USF3: variants seen among roughly 807,000 people sequenced by gnomAD.
The protein encoded by USF3 is basic helix-loop-helix domain-containing protein USF3.
Under a neutral mutation model 157.5 loss-of-function variants are expected in USF3, and 29 were observed. The observed-to-expected ratio is 0.18, with a 90% CI of 0.14 to 0.25. The LOEUF is 0.25. USF3 is among the 10% of genes least tolerant of loss of function. The pLI is 1.00. For missense variants in USF3, 2,381 were observed against 2,667.6 expected, an observed-to-expected ratio of 0.89 and a Z score of 2.37; for synonymous variants, 893 against 941.4, an observed-to-expected ratio of 0.95 and a Z score of 0.94.
chr3:113,680,053 CTTTTT>C (rs71131103), intron 1 of USF3, among the ~76,000 whole-genome samples: 61 of 58,620 alleles, frequency 1.0e-3, no homozygotes, highest in Non-Finnish European at 1.6e-3. Context: ...CTGTAGTTTT[CTTTTT>C]TTTTTTTTTT....
Position 113,657,756 on chromosome 3 carries a change from T to G in USF3, c.3926A>C (p.Asn1309Thr), listed in dbSNP as rs766632047. Reference sequence around the variant, plus strand: ...TAAGAGTGGCTCTTGAATCTGTGAATTTGGTATGGTACTAGTCATAGTATT... The same window carrying G: ...TAAGAGTGGCTCTTGAATCTGTGAAGTTGGTATGGTACTAGTCATAGTATT... ...QLNTMTSTIP[N>T]SQIQEPLLKP... The change falls in exon 7 of 7, where the codon AAT (asparagine) becomes ACT (threonine). Residue 1309 changes from asparagine (N) to threonine (T), a missense_variant. Transcript: ENST00000316407. The G allele has an allele frequency of 2.5e-6, 4 of 1,614,048 alleles. No individual in the cohort carries two copies. Among genetic ancestry groups the G allele is most frequent in the Non-Finnish European group, 3.4e-6 (4 of 1,180,012 alleles).
chr3:113,691,053 G>C (rs1707670916), intron 1 of USF3, among the ~76,000 whole-genome samples: 1 of 152,078 alleles, frequency 6.6e-6, no homozygotes, highest in Non-Finnish European at 1.5e-5. Flanking sequence ...GCCAGGTGTG[G>C]TGCTGCAAAC....
rs371565004 is a variant in USF3, at chr3:113,661,255, C to T, written c.427G>A (p.Val143Ile). 1.9e-6 allele frequency: 3 copies of T among 1,613,614 alleles called. No homozygotes were observed. The highest frequency in any genetic ancestry group is 1.3e-5 in the African/African-American group (1 of 74,868). Residue 143 changes from valine (V) to isoleucine (I), a missense_variant, in exon 7 of 7, where the codon GTT (valine) becomes ATT (isoleucine). Around this residue, in one of 6 missense-constraint regions of USF3, gnomAD observed 1,435 missense variants for 1,550.9 expected, o/e 0.93. Coordinates refer to ENST00000316407, the MANE Select transcript of USF3 (RefSeq NM_001009899.4). Reference sequence around the variant, plus strand: ...GAATAAACAATAATTTTTTTTTGAACCTGGTCACTAGGAATAACAACAGAG... The same window carrying T: ...GAATAAACAATAATTTTTTTTTGAATCTGGTCACTAGGAATAACAACAGAG... Reference protein sequence around the residue: ...KVSVVIPSDQVQKKIIVYSNG... With the variant: ...KVSVVIPSDQIQKKIIVYSNG...
At chr3:113,692,752 T>A (rs1390405061) in intron 1 of USF3, among the ~76,000 whole-genome samples, 1 of 152,350 alleles carries the variant, frequency 6.6e-6, no homozygotes, top group South Asian at 2.1e-4. Flanking sequence ...CAACTTATCA[T>A]GTCCTACTGA....
In USF3 at chr3:113,659,343, G is replaced by A. The variant is rs750793022; in HGVS notation, c.2339C>T (p.Ser780Leu). ...ASTYNLVSTS[S>L]MNTVACLPNM... ...AGGCAAACAAGCAACAGTGTTCATT[G>A]AGGAAGTACTCACTAGATTATAAGT... Residue 780 changes from serine to leucine, a missense_variant, in exon 7 of 7, where the codon TCA becomes TTA. Physicochemically the swap from Ser to Leu is moderately radical, Grantham distance 145. Transcript: ENST00000316407. 2.6e-5 allele frequency: 42 copies of A among 1,614,106 alleles called. No homozygotes were observed. The Admixed American group carries it at 3.3e-4, about 13-fold the overall frequency.
chr3:113,655,925 T>A lies in USF3; in HGVS notation c.5757A>T (p.Lys1919Asn). 6.2e-7 allele frequency: 1 copy of A among 1,614,186 alleles called. No individual in the cohort carries two copies. The highest frequency in any genetic ancestry group is 8.5e-7 in the Non-Finnish European group (1 of 1,180,036). The change falls in exon 7 of 7, where the codon AAA becomes AAT. Residue 1919 changes from lysine to asparagine, a missense_variant. Transcript: ENST00000316407. Reference sequence around the variant, plus strand: ...TCTCAGTAATCCTCATGGGATTGGATTTCTGTACAGAAACATTGGGGCTTG... The same window carrying A: ...TCTCAGTAATCCTCATGGGATTGGAATTCTGTACAGAAACATTGGGGCTTG... ...RNTSPNVSVQ[K>N]SNPMRITESH...
At chr3:113,667,727 C>A (rs1005671091) in intron 5 of USF3, among the ~76,000 whole-genome samples, 1 of 152,024 alleles carries the variant, frequency 6.6e-6, no homozygotes, top group African/African-American at 2.4e-5. Context: ...ATTAGCCTGG[C>A]GTGGTGGCAT....
At position 113,652,108 on chromosome 3, in the gene USF3, A is replaced by AGAGAGAGTGTGTGTGT. The variant is rs1266464109; in HGVS notation, c.*2835_*2836insACACACACACTCTCTC. 3.1e-4 allele frequency: 44 copies of AGAGAGAGTGTGTGTGT among 142,076 alleles called. No individual in the cohort carries two copies. The highest frequency in any genetic ancestry group is 1.1e-3 in the African/African-American group (43 of 38,378). 8.8% of individuals were successfully genotyped at this position (142,076 alleles called of 1,614,324 possible). On this transcript the variant is annotated 3_prime_UTR_variant, in exon 7 of 7. Coordinates refer to ENST00000316407, the MANE Select transcript of USF3 (RefSeq NM_001009899.4). ...TGGAGAGAGAGAGAGAGAGAGAGAGAGTGTGTGTGTGTGTGTGTGTGTGTG... is the reference window on the plus strand; with the variant it reads ...TGGAGAGAGAGAGAGAGAGAGAGAGAGAGAGAGTGTGTGTGTGTGTGTGTGTGTGTGTGTGTGTGTG...
At chr3:113,693,726 C>G (rs1202763379) in intron 1 of USF3, among the ~76,000 whole-genome samples, 1 of 152,158 alleles carries the variant, frequency 6.6e-6, no homozygotes, top group Non-Finnish European at 1.5e-5. Context: ...AATCTTTTAA[C>G]CATGTAGCAT....
rs375043730 is a variant in USF3, at chr3:113,659,884, C to G, written c.1798G>C (p.Gly600Arg). 2 of 1,614,030 alleles carry G rather than the reference C, an allele frequency of 1.2e-6. No homozygotes were observed. The highest frequency in any genetic ancestry group is 8.5e-7 in the Non-Finnish European group (1 of 1,180,032). ...CCATTGATGGGGAGTCGAACAGAACCAGGAGGTGGAGCAGGGAGGAGTGGC... is the reference window on the plus strand; with the variant it reads ...CCATTGATGGGGAGTCGAACAGAACGAGGAGGTGGAGCAGGGAGGAGTGGC... ...PLPLLPAPPP[G>R]SVRLPINGAN... Residue 600 changes from glycine to arginine, a missense_variant, in exon 7 of 7, where the codon GGT becomes CGT. Transcript: ENST00000316407.
intron 1 of USF3, among the ~76,000 whole-genome samples, chr3:113,685,318 GGGTTTC>G (rs1157761182): frequency 1.3e-5 from 2 of 152,104 alleles, no homozygotes; most frequent in African/African-American, 4.8e-5. Context: ...GCACAGTATT[GGGTTTC>G]GCCCAAGGCC....
chr3:113,655,407 G>A lies in USF3; in HGVS notation c.6275C>T (p.Ala2092Val). 3 of 1,614,128 alleles carry A rather than the reference G, an allele frequency of 1.9e-6. No homozygotes were observed. Among genetic ancestry groups the A allele is most frequent in the East Asian group, 2.2e-5 (1 of 44,884 alleles). ...SFIPQVTQPS[A>V]TRTPALIPVD... ...CGGGATGAGGGCTGGAGTTCGAGTGGCACTAGGCTGAGTAACCTGTGGAAT... is the reference window on the plus strand; with the variant it reads ...CGGGATGAGGGCTGGAGTTCGAGTGACACTAGGCTGAGTAACCTGTGGAAT... Residue 2092 changes from alanine to valine, a missense_variant, in exon 7 of 7, where the codon GCC (alanine) becomes GTC (valine). Coordinates refer to ENST00000316407, the MANE Select transcript of USF3 (RefSeq NM_001009899.4).
rs375387188 is a variant in USF3 at position 113,670,217 on chromosome 3, A to G, written c.77-14T>C. 1.3e-6 allele frequency: 2 copies of G among 1,540,180 alleles called. No homozygotes were observed. The highest frequency in any genetic ancestry group is 2.7e-5 in the African/African-American group (2 of 73,554). ...TATGCCTCTCCACTAGATGGGAGAA[A>G]ATTCGTTTATCAAACCTTACACTAC... On this transcript the variant is annotated splice_polypyrimidine_tract_variant and intron_variant, in intron 4 of 6. Coordinates refer to ENST00000316407, the MANE Select transcript of USF3 (RefSeq NM_001009899.4).
intron 1 of USF3, among the ~76,000 whole-genome samples, chr3:113,693,645 G>C (rs924941111): frequency 6.6e-6 from 1 of 152,106 alleles, no homozygotes; most frequent in African/African-American, 2.4e-5. Flanking sequence ...ATATTCCTTA[G>C]CATAACATTT....
Position 113,659,606 on chromosome 3 carries a change from T to A in USF3, c.2076A>T (p.Gln692His), listed in dbSNP as rs748505291. 1 of 1,614,044 alleles carries A rather than the reference T, an allele frequency of 6.2e-7. No individual in the cohort carries two copies. Among genetic ancestry groups the A allele is most frequent in the Middle Eastern group, 1.6e-4 (1 of 6,062 alleles). The change falls in exon 7 of 7, where the codon CAA (glutamine) becomes CAT (histidine). Residue 692 changes from glutamine to histidine, a missense_variant. Physicochemically the swap from Gln to His is conservative, Grantham distance 24 (BLOSUM62 0). This residue lies in a region of USF3 where 1,435 missense variants were observed against 1,550.9 expected (regional missense o/e 0.93). Coordinates refer to ENST00000316407, the MANE Select transcript of USF3 (RefSeq NM_001009899.4). ...TTNQTPMQIIQPTTSEDPNTN... is the reference protein window; with the variant it reads ...TTNQTPMQIIHPTTSEDPNTN... ...TATTTGGATCTTCGCTGGTGGTGGG[T>A]TGAATAATTTGCATAGGGGTTTGAT...
At position 113,656,117 on chromosome 3, in the gene USF3, T is replaced by C. The variant is rs749611906; in HGVS notation, c.5565A>G (p.Glu1855=). ...TTTCATGAGTTGGGGGACAATTATATTCAATTGCAGAGGATGGACCACACT... is the reference window on the plus strand; with the variant it reads ...TTTCATGAGTTGGGGGACAATTATACTCAATTGCAGAGGATGGACCACACT... ...NTQCGPSSAI[E]YNCPPTHENV... Residue 1855 remains glutamate (E), a synonymous_variant, in exon 7 of 7, where the codon GAA becomes GAG. Coordinates refer to ENST00000316407, the MANE Select transcript of USF3 (RefSeq NM_001009899.4). 6.2e-7 allele frequency: 1 copy of C among 1,614,084 alleles called. No homozygotes were observed. The highest frequency in any genetic ancestry group is 1.1e-5 in the South Asian group (1 of 91,088).
Position 113,654,672 on chromosome 3 carries a change from G to C in USF3, c.*272C>G. On this transcript the variant is annotated 3_prime_UTR_variant, in exon 7 of 7. Coordinates refer to ENST00000316407, the MANE Select transcript of USF3 (RefSeq NM_001009899.4). Reference sequence around the variant, plus strand: ...ACAAGATGATCTCCCCCAATTTCCAGCTAATTAGTATTTAGGAAATATCAA... The same window carrying C: ...ACAAGATGATCTCCCCCAATTTCCACCTAATTAGTATTTAGGAAATATCAA... The C allele has an allele frequency of 2.5e-6, 1 of 405,202 alleles. No homozygotes were observed. Among genetic ancestry groups the C allele is most frequent in the South Asian group, 4.5e-5 (1 of 22,026 alleles). 25.1% of individuals were successfully genotyped at this position (405,202 alleles called of 1,614,324 possible). A position where few individuals can be genotyped will look rare whatever the true frequency, so the allele number is the denominator to read the frequency against.
chr3:113,655,508 T>C lies in USF3; in HGVS notation c.6174A>G (p.Thr2058=), dbSNP rs369864905. ...PNDNSGPDQH[T]LSQNFGFSFI... ...AAGAAAAACCAAAATTTTGTGATAG[T>C]GTATGCTGGTCAGGACCTGAATTAT... The change falls in exon 7 of 7, where the codon ACA becomes ACG. Residue 2058 remains threonine (T), a synonymous_variant. Coordinates refer to ENST00000316407, the MANE Select transcript of USF3 (RefSeq NM_001009899.4). 102 of 1,613,954 alleles carry C rather than the reference T, an allele frequency of 6.3e-5. No homozygotes were observed. Among genetic ancestry groups the C allele is most frequent in the Middle Eastern group, 1.6e-4 (1 of 6,084 alleles).
At position 113,650,137 on chromosome 3, in the gene USF3, C is replaced by A; in HGVS notation, c.*4807G>T. 2 of 431,914 alleles carry A rather than the reference C, an allele frequency of 4.6e-6. No homozygotes were observed. The highest frequency in any genetic ancestry group is 2.0e-5 in the African/African-American group (1 of 49,552). 26.8% of individuals were successfully genotyped at this position (431,914 alleles called of 1,614,324 possible). On this transcript the variant is annotated 3_prime_UTR_variant, in exon 7 of 7. Coordinates refer to ENST00000316407, the MANE Select transcript of USF3 (RefSeq NM_001009899.4). ...AGCATTTATATAGACAACAAAATTA[C>A]AAAAATGGCTTCCAGGCTCCTAAAG...
Sources: gnomAD v4.1 joint callset for allele counts (sites outside exome capture counted in the v4.1 genomes callset) on GRCh38, gnomAD v4.1.1 for gene constraint, gnomAD v4.1.1 regional missense constraint, MANE v1.5 for transcripts, NCBI Gene and HGNC (gene_info 2026-07-23, HGNC 2026-07-21) for gene names.